PRKG1: variants seen among roughly 807,000 people sequenced by gnomAD.
The protein encoded by PRKG1 is cGMP-dependent protein kinase 1.
Under a neutral mutation model 88.1 loss-of-function variants are expected in PRKG1, and 35 were observed. The observed-to-expected ratio is 0.40, with a 90% CI of 0.30 to 0.53. PRKG1 has a LOEUF of 0.53. Among genes scored for constraint, PRKG1 ranks in the 20% least tolerant of loss-of-function variants. PRKG1 has a pLI of 0.59. For missense variants in PRKG1, 540 were observed against 839.8 expected, an observed-to-expected ratio of 0.64 and a Z score of 4.41; for synonymous variants, 303 against 292.5, an observed-to-expected ratio of 1.04 and a Z score of -0.37.
At chr10:51,847,978 T>C (rs1840447079) in intron 4 of PRKG1, among the ~76,000 whole-genome samples, 1 of 151,272 alleles carries the variant, frequency 6.6e-6, no homozygotes, top group African/African-American at 2.4e-5. Context: ...TCATGGTTTT[T>C]AAAAGTATTT....
At chr10:51,821,857 A>G (rs1839754958) in intron 4 of PRKG1, among the ~76,000 whole-genome samples, 2 of 152,120 alleles carry the variant, frequency 1.3e-5, no homozygotes, top group African/African-American at 2.4e-5. Flanking sequence ...GTTGATGGGA[A>G]TGTAAATTGT....
At chr10:51,213,670 A>C (rs1306601565) in intron 2 of PRKG1, among the ~76,000 whole-genome samples, 1 of 152,224 alleles carries the variant, frequency 6.6e-6, no homozygotes, top group Admixed American at 6.5e-5. Context: ...TATTACTTTA[A>C]AATATTATTT....
intron 5 of PRKG1, among the ~76,000 whole-genome samples, chr10:52,010,877 A>C (rs1380404427): frequency 6.6e-6 from 1 of 152,172 alleles, no homozygotes; most frequent in Admixed American, 6.5e-5. Context: ...AAAAAGCCAA[A>C]CCTTGTGATT....
At chr10:51,475,765 A>T (rs1564514317) in intron 3 of PRKG1, among the ~76,000 whole-genome samples, 2 of 152,020 alleles carry the variant, frequency 1.3e-5, no homozygotes, top group Non-Finnish European at 2.9e-5. Flanking sequence ...AAATTAAAAA[A>T]TCATGGACTG....
chr10:51,971,410 C>A (rs1002039844), intron 5 of PRKG1, among the ~76,000 whole-genome samples: 18 of 151,828 alleles, frequency 1.2e-4, no homozygotes, highest in African/African-American at 1.7e-4. Context: ...TCAAAGTATT[C>A]AAAATCATTA....
At chr10:51,071,911 C>G (rs996247650), upstream of PRKG1, among the ~76,000 whole-genome samples, 1 of 152,070 alleles carries the variant, frequency 6.6e-6, no homozygotes, top group Non-Finnish European at 1.5e-5. Flanking sequence ...TAAAAATGAA[C>G]GAGATGGCTG....
chr10:51,410,675 T>A (rs919094843), intron 2 of PRKG1, among the ~76,000 whole-genome samples: 1 of 152,010 alleles, frequency 6.6e-6, no homozygotes, highest in African/African-American at 2.4e-5. Context: ...TCACAAACCC[T>A]CATTGCAGAT....
At chr10:52,053,942 A>G (rs1035982502) in intron 5 of PRKG1, among the ~76,000 whole-genome samples, 16 of 152,212 alleles carry the variant, frequency 1.1e-4, no homozygotes, top group Non-Finnish European at 1.9e-4. Context: ...GAAGATTTTT[A>G]CATGCTGCAA....
chr10:51,908,179 C>T (rs1357776334), intron 5 of PRKG1: 2 of 152,048 alleles, frequency 1.3e-5, no homozygotes, highest in Non-Finnish European at 1.5e-5. Flanking sequence ...AAGTTGTTCT[C>T]CTAAAGGTAT....
chr10:52,097,426 G>A (rs552816245), intron 7 of PRKG1, among the ~76,000 whole-genome samples: 1 of 152,026 alleles, frequency 6.6e-6, no homozygotes, highest in African/African-American at 2.4e-5. Context: ...ATTAATATAT[G>A]ATTTATTAAA....
intron 6 of PRKG1, among the ~76,000 whole-genome samples, chr10:52,059,030 A>T (rs895351608): frequency 6.6e-6 from 1 of 151,990 alleles, no homozygotes; most frequent in Admixed American, 6.6e-5. Context: ...ATCAGCATGC[A>T]AGATACACAA....
chr10:51,419,191 A>G (rs1196069520), intron 2 of PRKG1, among the ~76,000 whole-genome samples: 2 of 152,122 alleles, frequency 1.3e-5, no homozygotes, highest in East Asian at 3.9e-4. Context: ...TTGGGACTTA[A>G]AGTTATATGA....
At chr10:52,111,596 G>A (rs1302949803) in intron 7 of PRKG1, among the ~76,000 whole-genome samples, 1 of 151,624 alleles carries the variant, frequency 6.6e-6, no homozygotes, top group Non-Finnish European at 1.5e-5. Context: ...GTGTATGTCA[G>A]TGAGAATGCT....
chr10:51,906,651 T>C (rs1842092379), intron 4 of PRKG1, among the ~76,000 whole-genome samples: 2 of 152,104 alleles, frequency 1.3e-5, no homozygotes, highest in South Asian at 4.1e-4. Flanking sequence ...GTTCTTATTA[T>C]GCAGATGAAG....
chr10:52,114,420 A>G (rs947027390), intron 7 of PRKG1, among the ~76,000 whole-genome samples: 1 of 151,894 alleles, frequency 6.6e-6, no homozygotes, highest in Non-Finnish European at 1.5e-5. Context: ...CATATCACAT[A>G]TGGTCTGTCA....
At chr10:51,724,218 A>G (rs1272573540) in intron 3 of PRKG1, among the ~76,000 whole-genome samples, 3 of 152,216 alleles carry the variant, frequency 2.0e-5, no homozygotes, top group Non-Finnish European at 4.4e-5. Flanking sequence ...TTGCTTTCCA[A>G]AAACACCTTT....
At chr10:51,100,527 T>C (rs1372841247) in intron 1 of PRKG1, among the ~76,000 whole-genome samples, 1 of 152,204 alleles carries the variant, frequency 6.6e-6, no homozygotes, top group Non-Finnish European at 1.5e-5. Flanking sequence ...ATCTCCTTGG[T>C]TGATAGAATA....
At chr10:51,329,962 G>A (rs1055729925) in intron 2 of PRKG1, among the ~76,000 whole-genome samples, 3 of 147,916 alleles carry the variant, frequency 2.0e-5, no homozygotes, top group African/African-American at 7.4e-5. Flanking sequence ...GATATGATTG[G>A]AGACTTTTGG....
At chr10:52,028,676 T>C (rs16925913) in intron 5 of PRKG1, among the ~76,000 whole-genome samples, 2,598 of 152,304 alleles carry the variant, frequency 0.017, 75 homozygotes, top group African/African-American at 0.06. Flanking sequence ...CTAAGGTGCG[T>C]TTGCTTCAGC....
Sources: gnomAD v4.1 joint callset for allele counts (sites outside exome capture counted in the v4.1 genomes callset) on GRCh38, gnomAD v4.1.1 for gene constraint, MANE v1.5 for transcripts, NCBI Gene and HGNC (gene_info 2026-07-23, HGNC 2026-07-21) for gene names.